AGMO: variants seen among roughly 807,000 people sequenced by gnomAD.
The protein encoded by AGMO is glyceryl-ether monooxygenase.
In AGMO, 75 loss-of-function variants were observed where a neutral mutation model predicts 60.2. The ratio of observed to expected loss-of-function variants is 1.25; its 90% CI spans 1.03 to 1.51. The LOEUF is 1.51. AGMO is among the 40% of genes most tolerant of loss of function. The pLI, the probability that AGMO is intolerant of heterozygous loss-of-function variation, is 0.00. For missense variants in AGMO, 763 were observed against 525.5 expected, an observed-to-expected ratio of 1.45 and a Z score of -4.42; for synonymous variants, 261 against 177.1, an observed-to-expected ratio of 1.47 and a Z score of -3.76.
At chr7:15,151,806 G>A in the AGMO span, among the ~76,000 whole-genome samples, 1 of 152,126 alleles carries the variant, frequency 6.6e-6, no homozygotes, top group East Asian at 1.9e-4. Context: ...GTATTCTGCA[G>A]ATATTTGTTA....
the AGMO span, among the ~76,000 whole-genome samples, chr7:15,144,400 A>G: frequency 1.4e-3 from 212 of 152,338 alleles, no homozygotes; most frequent in Non-Finnish European, 2.1e-3. Context: ...GTAGAAACTG[A>G]AAAATTAAAA....
chr7:15,555,121 G>T (rs998129441), intron 2 of AGMO, among the ~76,000 whole-genome samples: 1 of 151,088 alleles, frequency 6.6e-6, no homozygotes, highest in Non-Finnish European at 1.5e-5. Context: ...TTCTGATTTG[G>T]CCAGATTATA....
intron 5 of AGMO, among the ~76,000 whole-genome samples, chr7:15,406,584 AC>A: frequency 7.5e-6 from 1 of 133,232 alleles, no homozygotes; most frequent in Non-Finnish European, 1.6e-5. Flanking sequence ...ACACACACAC[AC>A]ACACGTATAT....
At chr7:15,466,102 A>C (rs1381917941) in intron 3 of AGMO, among the ~76,000 whole-genome samples, 1 of 152,112 alleles carries the variant, frequency 6.6e-6, no homozygotes, top group East Asian at 1.9e-4. Context: ...TCTGAAGCCT[A>C]CTCTCTAGCC....
At chr7:15,347,705 G>A (rs1405792071) in intron 12 of AGMO, among the ~76,000 whole-genome samples, 5 of 151,994 alleles carry the variant, frequency 3.3e-5, no homozygotes, top group Admixed American at 6.6e-5. Context: ...ATTAAAAAAT[G>A]TTGGTAAACT....
intron 12 of AGMO, among the ~76,000 whole-genome samples, chr7:15,233,677 C>T (rs977499666): frequency 6.6e-6 from 1 of 152,062 alleles, no homozygotes; most frequent in Non-Finnish European, 1.5e-5. Flanking sequence ...GCGATTAAAG[C>T]CCACATAACA....
At chr7:15,558,710 CTAA>C (rs1412127679) in intron 2 of AGMO, among the ~76,000 whole-genome samples, 1 of 151,902 alleles carries the variant, frequency 6.6e-6, no homozygotes, top group African/African-American at 2.4e-5. Context: ...TACTATATAC[CTAA>C]TAATGCACTT....
intron 8 of AGMO, among the ~76,000 whole-genome samples, chr7:15,387,911 T>TTA (rs1783988703): frequency 6.6e-6 from 1 of 150,600 alleles, no homozygotes; most frequent in Non-Finnish European, 1.5e-5. Flanking sequence ...TCTCTTTTTT[T>TTA]TTTTTTTTTT....
At chr7:15,333,498 G>A (rs1240811704) in intron 12 of AGMO, among the ~76,000 whole-genome samples, 1 of 150,840 alleles carries the variant, frequency 6.6e-6, no homozygotes, top group Non-Finnish European at 1.5e-5. Context: ...TTGGTAGTAA[G>A]TTTCACTGTG....
intron 5 of AGMO, among the ~76,000 whole-genome samples, chr7:15,409,686 A>T (rs4130139): frequency 0.52 from 79,465 of 151,606 alleles, 21,134 homozygotes; most frequent in Middle Eastern, 0.64. Flanking sequence ...GAGAATTAAG[A>T]GAGCAATTTT....
chr7:15,164,151 A>T, the AGMO span, among the ~76,000 whole-genome samples: 1 of 152,272 alleles, frequency 6.6e-6, no homozygotes, highest in South Asian at 2.1e-4. Context: ...ATGGGGAAAG[A>T]ACATTCTATT....
At chr7:15,285,424 C>T (rs543437114) in intron 12 of AGMO, among the ~76,000 whole-genome samples, 10 of 152,114 alleles carry the variant, frequency 6.6e-5, no homozygotes, top group Admixed American at 4.6e-4. Context: ...CTTCTATATA[C>T]CAACAATGAT....
chr7:15,411,737 T>C (rs1780615712), intron 5 of AGMO, among the ~76,000 whole-genome samples: 1 of 152,116 alleles, frequency 6.6e-6, no homozygotes, highest in African/African-American at 2.4e-5. Flanking sequence ...TACAGAAATT[T>C]AATATTCACT....
chr7:15,479,852 T>C (rs2128516652), intron 3 of AGMO, among the ~76,000 whole-genome samples: 1 of 152,198 alleles, frequency 6.6e-6, no homozygotes, highest in Middle Eastern at 3.4e-3. Flanking sequence ...GGAGTGGTGA[T>C]GAGAGCTCAG....
intron 12 of AGMO, chr7:15,306,283 A>C (rs1381469852): frequency 4.0e-6 from 1 of 248,306 alleles, no homozygotes; most frequent in African/African-American, 2.3e-5. Flanking sequence ...ATAAATGGAA[A>C]GGGTTTTGAA....
intron 3 of AGMO, among the ~76,000 whole-genome samples, chr7:15,500,061 G>C (rs1386949271): frequency 6.6e-6 from 1 of 151,554 alleles, no homozygotes; most frequent in Non-Finnish European, 1.5e-5. Context: ...GTATATGAAA[G>C]CAAATGCTCT....
chr7:15,262,935 G>T (rs1188392062), intron 12 of AGMO, among the ~76,000 whole-genome samples: 16 of 151,772 alleles, frequency 1.1e-4, no homozygotes, highest in Admixed American at 1.1e-3. Flanking sequence ...AACCCAAGAT[G>T]GATCAAAGAC....
intron 4 of AGMO, 28 bp downstream of exon 4, chr7:15,430,977 C>G: frequency 8.1e-7 from 1 of 1,230,126 alleles, no homozygotes; most frequent in Non-Finnish European, 1.1e-6. Flanking sequence ...ATTAGATTAC[C>G]ATGTTTATTC....
At position 15,370,302 on chromosome 7, in the gene AGMO, G is replaced by A. The variant is rs1395781749; in HGVS notation, c.1075-4080C>T. Among the ~76,000 whole-genome samples, 11 of 152,222 alleles carry A rather than the reference G, an allele frequency of 7.2e-5. 1 individual carries two copies. The highest frequency in any genetic ancestry group is 6.2e-4 in the South Asian group (3 of 4,824). On this transcript the variant is annotated intron_variant, in intron 10 of 12. Coordinates refer to ENST00000342526, the MANE Select transcript of AGMO (RefSeq NM_001004320.2). The stretch of plus-strand genomic sequence containing the variant: ...CGTTTTCTTCAACAACCAATCCTCC[G>A]TTGGTGGGCACCTAGGTTGCTTCCA...
Sources: allele counts gnomAD v4.1 joint callset (sites outside exome capture counted in the v4.1 genomes callset), GRCh38; gene constraint gnomAD v4.1.1; transcripts MANE v1.5; gene names NCBI Gene and HGNC (gene_info 2026-07-23, HGNC 2026-07-21).